GALNT18: variants seen among roughly 807,000 people sequenced by gnomAD.
The protein encoded by GALNT18 is polypeptide N-acetylgalactosaminyltransferase 18, also known as GalNAc-transferase 18.
GALNT18 carries 44 observed loss-of-function variants against 69.5 expected under a neutral mutation model. That is an observed-to-expected ratio of 0.63 (90% CI 0.50 to 0.81). GALNT18 has a LOEUF of 0.81. Ranked by LOEUF, GALNT18 falls within the 40% of genes least tolerant of loss-of-function variation. The pLI is 0.00. For missense variants in GALNT18, 715 were observed against 810.0 expected (o/e 0.88, Z 1.42); for synonymous variants, 364 against 318.2 (o/e 1.14, Z -1.53).
At chr11:11,364,851 T>C (rs1850726444) in intron 6 of GALNT18, among the ~76,000 whole-genome samples, 1 of 152,150 alleles carries the variant, frequency 6.6e-6, no homozygotes, top group South Asian at 2.1e-4. Flanking sequence ...TCAAAATAAC[T>C]AGAGTTAGGT....
At chr11:11,322,230 G>T (rs1410231201) in intron 9 of GALNT18, among the ~76,000 whole-genome samples, 3 of 152,200 alleles carry the variant, frequency 2.0e-5, no homozygotes, top group African/African-American at 4.8e-5. Context: ...ACCTTGCCAA[G>T]ATTTTACAAC....
chr11:11,360,145 A>G (rs563995329), intron 6 of GALNT18, among the ~76,000 whole-genome samples: 1 of 152,198 alleles, frequency 6.6e-6, no homozygotes, highest in Non-Finnish European at 1.5e-5. Context: ...GTTGCCCAAG[A>G]GTGTACATCA....
In GALNT18 at chr11:11,421,441, G is replaced by C. The variant is rs972271280; in HGVS notation, c.595+11180C>G. Among the ~76,000 whole-genome samples the C allele has an allele frequency of 6.6e-5, 10 of 152,182 alleles. No homozygotes were observed. The highest frequency in any genetic ancestry group is 2.4e-4 in the African/African-American group (10 of 41,436). ...CCAGGTGGATCGAACCGTGGAAGCAGAGCCCCAGTTTGGTGTACAGGGAAC... is the reference window on the plus strand; with the variant it reads ...CCAGGTGGATCGAACCGTGGAAGCACAGCCCCAGTTTGGTGTACAGGGAAC... On this transcript the variant is annotated intron_variant, in intron 3 of 10. Transcript: ENST00000227756. The surrounding 1 kb of genome is among the most constrained non-coding windows in gnomAD (Gnocchi z 5.6).
rs773601842 is a variant in GALNT18, at chr11:11,582,381, G to A, written c.235+38978C>T. Among the ~76,000 whole-genome samples the A allele has an allele frequency of 5.9e-5, 9 of 152,244 alleles. No homozygotes were observed. The highest frequency in any genetic ancestry group is 3.8e-4 in the East Asian group (2 of 5,196). On this transcript the variant is annotated intron_variant, in intron 1 of 10. Coordinates refer to ENST00000227756, the MANE Select transcript of GALNT18 (RefSeq NM_198516.3). The surrounding 1 kb of genome is among the most constrained non-coding windows in gnomAD (Gnocchi z 5.0). ...ATAAGAGGGCTATGCATGCCTGTCC[G>A]TTGCCCCGTGGCTTGCAGTGCTATC...
At chr11:11,349,572 G>A (rs926394028) in intron 6 of GALNT18, among the ~76,000 whole-genome samples, 2 of 152,132 alleles carry the variant, frequency 1.3e-5, no homozygotes, top group African/African-American at 4.8e-5. Flanking sequence ...TGTTGTTTAT[G>A]TGCCCACAAT....
rs932039409 is a variant in GALNT18, at chr11:11,621,449, C to G, written c.145G>C (p.Asp49His). ...VYVRGQEPAPDKKLEEDKGDT... is the reference protein window; with the variant it reads ...VYVRGQEPAPHKKLEEDKGDT... Reference sequence around the variant, plus strand: ...CCTTTGTCTTCCTCCAGCTTCTTGTCGGGCGCCGGCTCCTGCCCCCGCACA... The same window carrying G: ...CCTTTGTCTTCCTCCAGCTTCTTGTGGGGCGCCGGCTCCTGCCCCCGCACA... Residue 49 changes from aspartate to histidine, a missense_variant, in exon 1 of 11, where the codon GAC (aspartate) becomes CAC (histidine). Coordinates refer to ENST00000227756, the MANE Select transcript of GALNT18 (RefSeq NM_198516.3). The surrounding 1 kb of genome is among the most constrained non-coding windows in gnomAD (Gnocchi z 9.3). 6 of 1,614,126 alleles carry G rather than the reference C, an allele frequency of 3.7e-6. No homozygotes were observed. Among genetic ancestry groups the G allele is most frequent in the Non-Finnish European group, 4.2e-6 (5 of 1,180,006 alleles).
intron 3 of GALNT18, among the ~76,000 whole-genome samples, chr11:11,401,458 C>T (rs1338071592): frequency 2.6e-5 from 4 of 152,076 alleles, no homozygotes; most frequent in African/African-American, 7.2e-5. Context: ...TCCCAGCACT[C>T]GGTCCTAGAG....
intron 10 of GALNT18, among the ~76,000 whole-genome samples, chr11:11,282,157 G>GC (rs1849092772): frequency 6.6e-6 from 1 of 152,096 alleles, no homozygotes. Context: ...CTTGACCTCA[G>GC]CCTCTTTCAC....
intron 3 of GALNT18, among the ~76,000 whole-genome samples, chr11:11,423,405 G>A (rs2403519): frequency 0.32 from 48,487 of 152,088 alleles, 8,849 homozygotes; most frequent in East Asian, 0.54. Context: ...CCCTATTTCA[G>A]AGAGAATAGG....
At chr11:11,514,886 A>T (rs1332538530) in intron 1 of GALNT18, among the ~76,000 whole-genome samples, 1 of 152,226 alleles carries the variant, frequency 6.6e-6, no homozygotes, top group Non-Finnish European at 1.5e-5. Context: ...TTGGTTGCTC[A>T]TGGGAGGATG....
intron 6 of GALNT18, among the ~76,000 whole-genome samples, chr11:11,371,179 C>T (rs1589946232): frequency 6.6e-6 from 1 of 152,338 alleles, no homozygotes; most frequent in South Asian, 2.1e-4. Flanking sequence ...AAAGCCCTAG[C>T]ATTAAGTCTG....
intron 9 of GALNT18, among the ~76,000 whole-genome samples, chr11:11,308,350 C>T (rs571338321): frequency 1.3e-5 from 2 of 152,262 alleles, no homozygotes; most frequent in African/African-American, 4.8e-5. Flanking sequence ...TATGTCCCTA[C>T]ATGAGATTTA....
intron 1 of GALNT18, among the ~76,000 whole-genome samples, chr11:11,507,960 C>T (rs1474843245): frequency 3.3e-5 from 5 of 152,210 alleles, no homozygotes; most frequent in African/African-American, 1.2e-4. Flanking sequence ...CCTTCGACCA[C>T]AGACTGAAGG....
chr11:11,357,545 C>A (rs571562016), intron 6 of GALNT18, among the ~76,000 whole-genome samples: 2 of 152,362 alleles, frequency 1.3e-5, no homozygotes, highest in African/African-American at 4.8e-5. Flanking sequence ...CCAAAGCCTT[C>A]TTATGGCTGT....
At chr11:11,515,238 G>A (rs949498475) in intron 1 of GALNT18, among the ~76,000 whole-genome samples, 4 of 151,736 alleles carry the variant, frequency 2.6e-5, no homozygotes, top group Admixed American at 1.3e-4. Context: ...CAAATGACCC[G>A]TACTCAGTAA....
At chr11:11,410,354 GC>G (rs2133755469) in intron 3 of GALNT18, among the ~76,000 whole-genome samples, 1 of 152,192 alleles carries the variant, frequency 6.6e-6, no homozygotes, top group South Asian at 2.1e-4. Context: ...CCTGCTCCTT[GC>G]CAGCACCCTG....
chr11:11,419,620 A>AAGAAAGG, intron 3 of GALNT18, among the ~76,000 whole-genome samples: 1 of 112,844 alleles, frequency 8.9e-6, no homozygotes, highest in African/African-American at 3.2e-5. Flanking sequence ...AAAAAAAAAA[A>AAGAAAGG]AAGAAAGAAG....
chr11:11,410,252 C>T lies in GALNT18; in HGVS notation c.595+22369G>A, dbSNP rs577808057. ...CTGTTTCTAGCCCCAGGGTCTTGTG[C>T]TGTCCCTCCTGGCAGCTTCCTTGCA... On this transcript the variant is annotated intron_variant, in intron 3 of 10. Coordinates refer to ENST00000227756, the MANE Select transcript of GALNT18 (RefSeq NM_198516.3). Among the ~76,000 whole-genome samples, 45 of 152,294 alleles carry T rather than the reference C, an allele frequency of 3.0e-4. 1 individual carries two copies. The highest frequency in any genetic ancestry group is 1.3e-4 in the Non-Finnish European group (9 of 68,016).
chr11:11,379,361 A>C, intron 3 of GALNT18, 97 bp from the exon 4 acceptor site: 1 of 1,211,522 alleles, frequency 8.3e-7, no homozygotes, highest in Non-Finnish European at 1.2e-6. Flanking sequence ...CCCCCAGAGA[A>C]AGGCTGGGGG....
Sources: gnomAD v4.1 joint callset for allele counts (sites outside exome capture counted in the v4.1 genomes callset) on GRCh38, gnomAD v4.1.1 for gene constraint, Gnocchi (gnomAD v3.1) non-coding constraint, MANE v1.5 for transcripts, NCBI Gene and HGNC (gene_info 2026-07-23, HGNC 2026-07-21) for gene names.